BIN2: variants seen among roughly 807,000 people sequenced by gnomAD.
The protein encoded by BIN2 is bridging integrator 2.
BIN2 carries 43 observed loss-of-function variants against 67.9 expected under a neutral mutation model. The ratio of observed to expected loss-of-function variants is 0.63; its 90% confidence interval spans 0.50 to 0.82. BIN2 has a LOEUF of 0.82. Among genes scored for constraint, BIN2 ranks in the 40% least tolerant of loss-of-function variants. BIN2 has a pLI of 0.00. For missense variants in BIN2, 581 were observed against 671.6 expected, an observed-to-expected ratio of 0.87 and a Z score of 1.49; for synonymous variants, 244 against 246.8, an observed-to-expected ratio of 0.99 and a Z score of 0.11.
upstream of BIN2, chr12:51,324,295 G>A (rs1946375621): frequency 1.4e-6 from 2 of 1,383,380 alleles, no homozygotes; most frequent in Non-Finnish European, 1.9e-6. Flanking sequence ...CGGCTCGGAG[G>A]GGCGGGCCCG....
chr12:51,289,061 A>G (rs910947609), intron 10 of BIN2, among the ~76,000 whole-genome samples: 2 of 152,066 alleles, frequency 1.3e-5, no homozygotes, highest in Middle Eastern at 3.4e-3. Context: ...AGCTCTTAAC[A>G]TCAAGGAAAG....
intron 2 of BIN2, among the ~76,000 whole-genome samples, chr12:51,309,846 C>T (rs1383650789): frequency 6.6e-6 from 1 of 152,180 alleles, no homozygotes; most frequent in Non-Finnish European, 1.5e-5. Flanking sequence ...TCTACCTACA[C>T]ATCTGCTCTT....
At position 51,324,080 on chromosome 12, in the gene BIN2, C is replaced by CCG; in HGVS notation, c.21_22dup (p.Gly8AlafsTer30). ...CTGCTTGGCGAAGAGGCCGGCCGCG[C>CCG]CGCCTGCCTTGCCCTCTGCCATCCT... On this transcript the variant is annotated frameshift_variant, in exon 1 of 13. Coordinates refer to ENST00000615107, the MANE Select transcript of BIN2 (RefSeq NM_016293.4). LOFTEE classifies it high-confidence loss of function. The CCG allele has an allele frequency of 6.2e-7, 1 of 1,613,468 alleles. No individual in the cohort carries two copies. The highest frequency in any genetic ancestry group is 1.7e-5 in the Admixed American group (1 of 60,000).
intron 8 of BIN2, among the ~76,000 whole-genome samples, chr12:51,296,523 T>C (rs543515896): frequency 9.2e-5 from 14 of 151,978 alleles, no homozygotes; most frequent in East Asian, 1.9e-4. Flanking sequence ...AAAAACCTCA[T>C]TTTTAATATT....
intron 3 of BIN2, 53 bp from the exon 4 acceptor site, chr12:51,302,833 G>T: frequency 1.4e-6 from 2 of 1,456,480 alleles, no homozygotes; most frequent in Non-Finnish European, 1.9e-6. Context: ...AGTAGTTGGT[G>T]TAATCACATG....
At chr12:51,289,607 C>G (rs539850485) in intron 10 of BIN2, among the ~76,000 whole-genome samples, 1 of 151,960 alleles carries the variant, frequency 6.6e-6, no homozygotes, top group Non-Finnish European at 1.5e-5. Context: ...CAGAGTGAGA[C>G]CCTGTCTCAA....
upstream of BIN2, chr12:51,324,176 C>G: frequency 6.3e-7 from 1 of 1,578,108 alleles, no homozygotes; most frequent in South Asian, 1.2e-5. Context: ...GGAGGAAGTG[C>G]GGGCTCCCGG....
chr12:51,306,455 C>T (rs1309804232), intron 2 of BIN2, among the ~76,000 whole-genome samples: 11 of 151,972 alleles, frequency 7.2e-5, no homozygotes, highest in African/African-American at 2.2e-4. Flanking sequence ...GGTGAAAGTC[C>T]GTCTCCACTA....
chr12:51,316,280 C>A (rs1016415086), intron 1 of BIN2, among the ~76,000 whole-genome samples: 1 of 148,146 alleles, frequency 6.8e-6, no homozygotes. Context: ...GTCAGGAGTT[C>A]GAGACCAACC....
At position 51,281,192 on chromosome 12, in the gene BIN2, A is replaced by G; in HGVS notation, c.*307T>C. The G allele has an allele frequency of 2.6e-6, 1 of 385,736 alleles. No individual in the cohort carries two copies. Among genetic ancestry groups the G allele is most frequent in the Non-Finnish European group, 4.8e-6 (1 of 210,046 alleles). 23.9% of individuals were successfully genotyped at this position (385,736 alleles called of 1,614,324 possible). On this transcript the variant is annotated 3_prime_UTR_variant, in exon 13 of 13. Transcript: ENST00000615107. ...TAGGCAAGTGTCTGTGTCTATAGAT[A>G]CTTTTGCTTTTTATAGTGATTAAAG...
chr12:51,292,711 C>T (rs751018053), intron 9 of BIN2, among the ~76,000 whole-genome samples: 2 of 152,170 alleles, frequency 1.3e-5, no homozygotes, highest in African/African-American at 2.4e-5. Flanking sequence ...GTGGCACTTT[C>T]CCAGTCACTA....
chr12:51,295,978 C>A, intron 8 of BIN2, 100 bp from the exon 9 acceptor site: 1 of 887,686 alleles, frequency 1.1e-6, no homozygotes, highest in Non-Finnish European at 1.8e-6. Flanking sequence ...AAAATAAAAC[C>A]TCCCCCTTTC....
In BIN2 at chr12:51,322,178, A is replaced by C. The variant is rs547677400; in HGVS notation, c.81+1844T>G. Among the ~76,000 whole-genome samples, 5 of 152,256 alleles carry C rather than the reference A, an allele frequency of 3.3e-5. No individual in the cohort carries two copies. In the South Asian group the frequency reaches 1.0e-3, roughly 32 times the overall value. On this transcript the variant is annotated intron_variant, in intron 1 of 12. Transcript: ENST00000615107. ...GTCTAATGTGACAGCTTTTCAATTT[A>C]GTGTTCTTACCATATTGAGTTTCAT...
intron 9 of BIN2, among the ~76,000 whole-genome samples, chr12:51,295,562 CAAAAA>C (rs779588765): frequency 2.5e-4 from 3 of 11,888 alleles, no homozygotes; most frequent in African/African-American, 3.5e-4. Flanking sequence ...GACTCCGTCT[CAAAAA>C]AAAAAAAAAA....
At chr12:51,295,176 CT>C (rs1945503306) in intron 9 of BIN2, among the ~76,000 whole-genome samples, 1 of 151,922 alleles carries the variant, frequency 6.6e-6, no homozygotes, top group Admixed American at 6.6e-5. Flanking sequence ...AACTCCTGAT[CT>C]CAAGTAATTC....
intron 1 of BIN2, among the ~76,000 whole-genome samples, chr12:51,317,068 G>T (rs898039939): frequency 6.6e-6 from 1 of 151,824 alleles, no homozygotes; most frequent in Admixed American, 6.6e-5. Context: ...TAGAGATAGG[G>T]TTTCTCCATG....
At chr12:51,321,341 T>C (rs540249403) in intron 1 of BIN2, among the ~76,000 whole-genome samples, 4 of 152,142 alleles carry the variant, frequency 2.6e-5, no homozygotes, top group African/African-American at 7.2e-5. Context: ...AAGTGTTGAA[T>C]AGATGAAGGG....
At chr12:51,318,236 G>A (rs1434944902) in intron 1 of BIN2, among the ~76,000 whole-genome samples, 2 of 151,820 alleles carry the variant, frequency 1.3e-5, no homozygotes, top group East Asian at 1.9e-4. Context: ...AGGTTCTGTG[G>A]AGAGACTCTG....
chr12:51,292,800 C>T (rs1945425180), intron 9 of BIN2, among the ~76,000 whole-genome samples: 1 of 152,150 alleles, frequency 6.6e-6, no homozygotes, highest in African/African-American at 2.4e-5. Flanking sequence ...AATCATCTAC[C>T]TTCTTGCTTC....
Sources: gnomAD v4.1 joint callset for allele counts (sites outside exome capture counted in the v4.1 genomes callset) on GRCh38, gnomAD v4.1.1 for gene constraint, MANE v1.5 for transcripts, NCBI Gene and HGNC (gene_info 2026-07-23, HGNC 2026-07-21) for gene names.